Variants in NEDD4L observed in about 807,000 individuals in gnomAD.
NEDD4L encodes NEDD4 like E3 ubiquitin protein ligase, also known as E3 ubiquitin-protein ligase NEDD4-like.
Under a neutral mutation model 148.9 loss-of-function variants are expected in NEDD4L, and 54 were observed. The ratio of observed to expected loss-of-function variants is 0.36; its 90% CI spans 0.29 to 0.45. The LOEUF (loss-of-function observed/expected upper bound fraction) is 0.45, where lower values mean the gene tolerates loss of function less well. Among genes scored for constraint, NEDD4L ranks in the 20% least tolerant of loss-of-function variants. NEDD4L has a pLI of 1.00. For missense variants in NEDD4L, 856 were observed against 1,233.8 expected (o/e 0.69, Z 4.59); for synonymous variants, 433 against 440.7 (o/e 0.98, Z 0.22).
rs376837193 is a variant in NEDD4L, at chr18:58,373,179, T to C, written c.2262T>C (p.Ser754=). 10 of 1,544,778 alleles carry C rather than the reference T, an allele frequency of 6.5e-6. No homozygotes were observed. Among genetic ancestry groups the C allele is most frequent in the South Asian group, 3.5e-5 (3 of 84,508 alleles). The change falls in exon 24 of 31, where the codon AGT becomes AGC. Residue 754 remains serine (S), a synonymous_variant. Coordinates refer to ENST00000400345, the MANE Select transcript of NEDD4L (RefSeq NM_001144967.3). ...ACTCCTGTGTCATTCTGTAGGATAG[T>C]GAATATTACAACTCTTTGAAATGGA... ...ITLNDMESVD[S]EYYNSLKWIL...
chr18:58,142,621 G>C (rs930337196), intron 1 of NEDD4L, among the ~76,000 whole-genome samples: 1 of 152,150 alleles, frequency 6.6e-6, no homozygotes, highest in Non-Finnish European at 1.5e-5. Flanking sequence ...ACTCTGTTTT[G>C]TAGAAACAAC....
Position 58,310,629 on chromosome 18 carries a change from C to T in NEDD4L, c.298-5353C>T, listed in dbSNP as rs544870233. Among the ~76,000 whole-genome samples, 9 of 152,370 alleles carry T rather than the reference C, an allele frequency of 5.9e-5. No homozygotes were observed. The East Asian group carries it at 1.7e-3, about 29-fold the overall frequency. On this transcript the variant is annotated intron_variant, in intron 5 of 30. Transcript: ENST00000400345. ...AACGCCCAGCGTGGGTGGAACCGCA[C>T]TCACACTTTACCTCTTCCTGAACCA...
rs762585452 is a variant in NEDD4L, at chr18:58,221,809, T to C, written c.123-23618T>C. 7 of 754,154 alleles carry C rather than the reference T, an allele frequency of 9.3e-6. No individual in the cohort carries two copies. In the Admixed American group the frequency reaches 2.5e-4, roughly 27 times the overall value. 46.7% of individuals were successfully genotyped at this position (754,154 alleles called of 1,614,324 possible). A position where few individuals can be genotyped will look rare whatever the true frequency, so the allele number is the denominator to read the frequency against. Reference sequence around the variant, plus strand: ...TTGCTATATGAATGCATAACATCTGTTCTTGGTGTGAGTTTGATGTTGGTT... The same window carrying C: ...TTGCTATATGAATGCATAACATCTGCTCTTGGTGTGAGTTTGATGTTGGTT... On this transcript the variant is annotated intron_variant, in intron 2 of 30. Coordinates refer to ENST00000400345, the MANE Select transcript of NEDD4L (RefSeq NM_001144967.3).
At chr18:58,082,851 G>A (rs771985889) in intron 1 of NEDD4L, among the ~76,000 whole-genome samples, 1 of 151,906 alleles carries the variant, frequency 6.6e-6, no homozygotes, top group Non-Finnish European at 1.5e-5. Context: ...CCATCGTGTG[G>A]ATGTTCACTT....
chr18:58,071,759 G>C (rs928582377), intron 1 of NEDD4L, among the ~76,000 whole-genome samples: 2 of 152,206 alleles, frequency 1.3e-5, no homozygotes, highest in African/African-American at 4.8e-5. Context: ...CACAATCATG[G>C]CAGAAGGCGA....
At position 58,207,317 on chromosome 18, in the gene NEDD4L, A is replaced by ATT. The variant is rs34381915; in HGVS notation, c.123-38098_123-38097dup. Reference sequence around the variant, plus strand: ...ATCAACCAAATACCTTATTTTAGAGATTTTTTTTTTTTTCTGGGAAATTGG... The same window carrying ATT: ...ATCAACCAAATACCTTATTTTAGAGATTTTTTTTTTTTTTTCTGGGAAATTGG... On this transcript the variant is annotated intron_variant, in intron 2 of 30. Transcript: ENST00000400345. Among the ~76,000 whole-genome samples the ATT allele has an allele frequency of 8.1e-3, 1,194 of 147,614 alleles. 11 individuals are homozygous for ATT. Among genetic ancestry groups the ATT allele is most frequent in the African/African-American group, 0.024 (979 of 40,252 alleles).
At position 58,400,722 on chromosome 18, in the gene NEDD4L, G is replaced by C. The variant is rs1239341305; in HGVS notation, c.*4453G>C. The C allele has an allele frequency of 6.6e-6, 1 of 152,086 alleles. No individual in the cohort carries two copies. Among genetic ancestry groups the C allele is most frequent in the African/African-American group, 2.4e-5 (1 of 41,392 alleles). The allele number at this position is 152,086 out of a possible 1,614,324, so 9.4% of individuals were successfully genotyped here. On this transcript the variant is annotated 3_prime_UTR_variant, in exon 31 of 31. Transcript: ENST00000400345. The stretch of plus-strand genomic sequence containing the variant: ...TCGCGTGCACTGCATTCTCAACCCC[G>C]TACCAGTGCATCATCAGAAGCCTTC...
At chr18:58,394,800 T>G (rs1054203066) in intron 30 of NEDD4L, among the ~76,000 whole-genome samples, 2 of 152,228 alleles carry the variant, frequency 1.3e-5, no homozygotes, top group African/African-American at 4.8e-5. Context: ...CGGTTAGCTT[T>G]TAGTATATGT....
rs1409635764 is a variant in NEDD4L at position 58,065,209 on chromosome 18, C to G, written c.48+20501C>G. On this transcript the variant is annotated intron_variant, in intron 1 of 30. Coordinates refer to ENST00000400345, the MANE Select transcript of NEDD4L (RefSeq NM_001144967.3). Reference sequence around the variant, plus strand: ...ACTGAAAATTGCTCTGGTAAATTAACACAATTTATTTAATCCCTGCTCTTT... The same window carrying G: ...ACTGAAAATTGCTCTGGTAAATTAAGACAATTTATTTAATCCCTGCTCTTT... Among the ~76,000 whole-genome samples the G allele has an allele frequency of 2.0e-5, 3 of 152,200 alleles. No homozygotes were observed. In the East Asian group the frequency reaches 5.8e-4, roughly 29 times the overall value.
intron 2 of NEDD4L, among the ~76,000 whole-genome samples, chr18:58,199,662 G>T (rs377650049): frequency 2.0e-4 from 30 of 152,294 alleles, no homozygotes; most frequent in African/African-American, 7.2e-4. Context: ...GTTTGTTGAA[G>T]AGCTGACTCT....
chr18:58,212,776 T>TATATATTTTA (rs59523780), intron 2 of NEDD4L, among the ~76,000 whole-genome samples: 65,982 of 151,442 alleles, frequency 0.44, 15,602 homozygotes, highest in African/African-American at 0.64. Context: ...CTAGCCTGAA[T>TATATATTTTA]ATATATTTTT....
intron 5 of NEDD4L, among the ~76,000 whole-genome samples, chr18:58,306,987 G>T (rs2057143543): frequency 1.3e-5 from 2 of 152,198 alleles, no homozygotes; most frequent in South Asian, 2.1e-4. Flanking sequence ...TGAGCTACAG[G>T]TTGGCTTGTT....
In NEDD4L at chr18:58,254,022, C is replaced by G. The variant is rs564595599; in HGVS notation, c.297+1968C>G. 1.1e-3 allele frequency among the ~76,000 whole-genome samples: 163 copies of G among 151,566 alleles called. 2 individuals carry two copies. The highest frequency in any genetic ancestry group is 1.9e-3 in the Non-Finnish European group (126 of 67,900). On this transcript the variant is annotated intron_variant, in intron 5 of 30. Transcript: ENST00000400345. ...TTTTTTTTCTTTGTTGGCTATTAAC[C>G]CAGCGGAGACAATATGTGGCTATGG...
At chr18:58,378,631 G>T (rs778607577) in intron 24 of NEDD4L, among the ~76,000 whole-genome samples, 2 of 152,196 alleles carry the variant, frequency 1.3e-5, no homozygotes, top group East Asian at 1.9e-4. Flanking sequence ...GATGAGGAAG[G>T]CCTGGTTGGT....
intron 18 of NEDD4L, among the ~76,000 whole-genome samples, chr18:58,355,639 T>C: frequency 6.6e-6 from 1 of 152,220 alleles, no homozygotes; most frequent in Non-Finnish European, 1.5e-5. Context: ...TTGTTTTCCA[T>C]CACAATAGCA....
intron 5 of NEDD4L, among the ~76,000 whole-genome samples, chr18:58,254,045 T>C (rs966218027): frequency 4.6e-5 from 7 of 152,000 alleles, no homozygotes; most frequent in South Asian, 4.1e-4. Context: ...TATGTGGCTA[T>C]GGTAGTACTT....
chr18:58,128,910 C>T (rs1386436483), intron 1 of NEDD4L, among the ~76,000 whole-genome samples: 1 of 152,196 alleles, frequency 6.6e-6, no homozygotes, highest in Non-Finnish European at 1.5e-5. Flanking sequence ...ACCTGCTGTG[C>T]TGAGCACATC....
chr18:58,293,949 C>T (rs1237339077), intron 5 of NEDD4L, among the ~76,000 whole-genome samples: 1 of 152,186 alleles, frequency 6.6e-6, no homozygotes, highest in African/African-American at 2.4e-5. Flanking sequence ...TCTCGAACTC[C>T]TGGGCTCAAG....
intron 12 of NEDD4L, among the ~76,000 whole-genome samples, chr18:58,335,271 A>G (rs2041577223): frequency 6.6e-6 from 1 of 152,214 alleles, no homozygotes; most frequent in African/African-American, 2.4e-5. Context: ...CAGGTCAAGG[A>G]TGAGCCACCT....
Sources: gnomAD v4.1 joint callset for allele counts (sites outside exome capture counted in the v4.1 genomes callset) on GRCh38, gnomAD v4.1.1 for gene constraint, MANE v1.5 for transcripts, NCBI Gene and HGNC (gene_info 2026-07-23, HGNC 2026-07-21) for gene names.